The following FER1L6 variants were observed in gnomAD, a reference collection of about 807,000 sequenced individuals.
FER1L6 encodes fer-1 like family member 6.
Under a neutral mutation model 219.2 loss-of-function variants are expected in FER1L6, and 177 were observed. That is an observed-to-expected ratio of 0.81 (90% confidence interval 0.71 to 0.91). The LOEUF (loss-of-function observed/expected upper bound fraction) is 0.91. Among genes scored for constraint, FER1L6 ranks in the 40% least tolerant of loss-of-function variants. FER1L6 has a pLI of 0.00. For missense variants in FER1L6, 2,153 were observed against 2,259.9 expected (o/e 0.95, Z 0.96); for synonymous variants, 768 against 824.3 (o/e 0.93, Z 1.17).
In FER1L6 at chr8:123,944,176, C is replaced by G. The variant is rs10097899; in HGVS notation, c.-7-11816C>G. Among the ~76,000 whole-genome samples the G allele has an allele frequency of 2.6e-3, 399 of 152,050 alleles. 2 individuals carry two copies. The highest frequency in any genetic ancestry group is 8.9e-3 in the African/African-American group (368 of 41,478). ...TTAGCCCAATGCATGGCTCATTCTA[C>G]ATGCTCAATGAATGGTAGCTATGAT... is the stretch of plus-strand genomic sequence containing the variant. On this transcript the variant is annotated intron_variant, in intron 1 of 40. Coordinates refer to ENST00000522917, the MANE Select transcript of FER1L6 (RefSeq NM_001039112.2).
rs570060219 is a variant in FER1L6 at position 124,003,526 on chromosome 8, G to C, written c.1700+179G>C. 2.3e-5 allele frequency among the ~76,000 whole-genome samples: 3 copies of C among 129,328 alleles called. No individual in the cohort carries two copies. The East Asian group carries it at 7.4e-4, about 32-fold the overall frequency. 84.8% of individuals were successfully genotyped at this position (129,328 alleles called of 152,430 possible). ...TCACCAGACTGGAGTGCAGTGTGCA[G>C]TGGCACGATCTCAGCTCACTGCAAC... On this transcript the variant is annotated intron_variant, in intron 13 of 40. Coordinates refer to ENST00000522917, the MANE Select transcript of FER1L6 (RefSeq NM_001039112.2).
chr8:123,887,993 A>G (rs1168070974), intron 1 of FER1L6, among the ~76,000 whole-genome samples: 1 of 152,150 alleles, frequency 6.6e-6, no homozygotes, highest in African/African-American at 2.4e-5. Flanking sequence ...AAGTACCCTG[A>G]CTGTTTCAAG....
intron 9 of FER1L6, among the ~76,000 whole-genome samples, chr8:123,977,163 T>G (rs1816113483): frequency 6.6e-6 from 1 of 152,190 alleles, no homozygotes. Flanking sequence ...TGCACAGAAC[T>G]CCCATTCCCC....
intron 1 of FER1L6, among the ~76,000 whole-genome samples, chr8:123,857,348 A>C (rs1816666070): frequency 6.6e-6 from 1 of 152,086 alleles, no homozygotes; most frequent in South Asian, 2.1e-4. Context: ...TCTACAAAAA[A>C]ATTTTTTAAA....
chr8:123,896,067 C>T lies in FER1L6; in HGVS notation c.-8+43882C>T, dbSNP rs552607030. Reference sequence around the variant, plus strand: ...ATAGAGGGCTTGTTCTGGAGGCAGCCGCTCTAGGAAGAGCAAGTGCTGTCC... The same window carrying T: ...ATAGAGGGCTTGTTCTGGAGGCAGCTGCTCTAGGAAGAGCAAGTGCTGTCC... On this transcript the variant is annotated intron_variant, in intron 1 of 40. Transcript: ENST00000522917. Among the ~76,000 whole-genome samples the T allele has an allele frequency of 7.6e-4, 116 of 152,170 alleles. 2 individuals are homozygous for T. Among genetic ancestry groups the T allele is most frequent in the Admixed American group, 1.4e-3 (22 of 15,276 alleles).
At chr8:123,963,184 T>C (rs1238599386) in intron 2 of FER1L6, 94 bp from the exon 3 acceptor site, 2 of 1,538,154 alleles carry the variant, frequency 1.3e-6, no homozygotes, top group South Asian at 1.2e-5. Flanking sequence ...TTGTACCACT[T>C]ATGGTGCCTG....
intron 28 of FER1L6, among the ~76,000 whole-genome samples, chr8:124,068,507 C>T (rs114532450): frequency 4.0e-4 from 61 of 152,352 alleles, no homozygotes; most frequent in African/African-American, 1.4e-3. Flanking sequence ...TTCTCCCCTG[C>T]AGAGCCTACT....
At chr8:124,105,348 A>G (rs2130999324) in intron 39 of FER1L6, among the ~76,000 whole-genome samples, 1 of 152,280 alleles carries the variant, frequency 6.6e-6, no homozygotes, top group East Asian at 1.9e-4. Flanking sequence ...CCAGAGCCTG[A>G]TCACACAGGC....
intron 3 of FER1L6, among the ~76,000 whole-genome samples, chr8:123,965,568 T>C (rs1389165725): frequency 6.6e-6 from 1 of 152,254 alleles, no homozygotes; most frequent in African/African-American, 2.4e-5. Flanking sequence ...CAATTATGAT[T>C]ATATCTATTA....
chr8:123,865,905 G>A (rs1439176635), intron 1 of FER1L6, among the ~76,000 whole-genome samples: 4 of 151,276 alleles, frequency 2.6e-5, no homozygotes, highest in Admixed American at 6.6e-5. Context: ...AGATGAACCC[G>A]GTACCTCAGA....
chr8:123,957,371 A>G (rs556895184), intron 2 of FER1L6, among the ~76,000 whole-genome samples: 1 of 152,270 alleles, frequency 6.6e-6, no homozygotes, highest in Admixed American at 6.5e-5. Context: ...GTGGGTGGAA[A>G]GGCTTTGGGG....
chr8:123,999,855 T>C (rs1307256192), intron 12 of FER1L6, among the ~76,000 whole-genome samples: 1 of 152,006 alleles, frequency 6.6e-6, no homozygotes, highest in African/African-American at 2.4e-5. Context: ...TATGAAGTGT[T>C]GGGGGAAGAG....
intron 10 of FER1L6, among the ~76,000 whole-genome samples, chr8:123,978,703 A>T (rs2130320622): frequency 6.6e-6 from 1 of 152,300 alleles, no homozygotes; most frequent in South Asian, 2.1e-4. Flanking sequence ...TATCATCTGT[A>T]TATGGTTAAT....
intron 18 of FER1L6, among the ~76,000 whole-genome samples, 157 bp from the exon 19 acceptor site, chr8:124,035,120 G>C (rs958356782): frequency 1.3e-5 from 2 of 152,172 alleles, no homozygotes; most frequent in African/African-American, 4.8e-5. Context: ...AAGGCAATTG[G>C]GGCCATTGTC....
intron 1 of FER1L6, among the ~76,000 whole-genome samples, chr8:123,936,408 T>C (rs928097311): frequency 2.6e-5 from 4 of 151,514 alleles, no homozygotes; most frequent in Non-Finnish European, 5.9e-5. Flanking sequence ...AAGACATTGC[T>C]CTCACAGTTT....
chr8:124,089,711 A>G lies in FER1L6; in HGVS notation c.4392-1712A>G, dbSNP rs1821941272. Among the ~76,000 whole-genome samples the G allele has an allele frequency of 2.0e-5, 3 of 152,196 alleles. No homozygotes were observed. In the South Asian group the frequency reaches 6.2e-4, roughly 31 times the overall value. ...GAAATTAGAAAACACAAAGTACAAA[A>G]TAACTCTCAAATTATTCCACTCATG... On this transcript the variant is annotated intron_variant, in intron 33 of 40. Coordinates refer to ENST00000522917, the MANE Select transcript of FER1L6 (RefSeq NM_001039112.2).
At chr8:124,034,672 G>A (rs76901759) in intron 18 of FER1L6, among the ~76,000 whole-genome samples, 2,640 of 152,290 alleles carry the variant, frequency 0.017, 88 homozygotes, top group African/African-American at 0.059. Flanking sequence ...TTAGCCAGGA[G>A]GAAAGTGCAT....
chr8:123,967,401 A>G lies in FER1L6; in HGVS notation c.384+1111A>G, dbSNP rs117358697. Among the ~76,000 whole-genome samples, 18 of 152,304 alleles carry G rather than the reference A, an allele frequency of 1.2e-4. No homozygotes were observed. The East Asian group carries it at 3.1e-3, about 26-fold the overall frequency. ...TCCCATTTTGCCTTCCTGGCTGAAG[A>G]GTTTTTCATTGCCTTGATATGCCAT... On this transcript the variant is annotated intron_variant, in intron 5 of 40. Transcript: ENST00000522917.
chr8:123,997,555 G>A lies in FER1L6; in HGVS notation c.1520-5612G>A, dbSNP rs1053013670. 3.9e-4 allele frequency among the ~76,000 whole-genome samples: 59 copies of A among 152,000 alleles called. 1 individual carries two copies. Among genetic ancestry groups the A allele is most frequent in the Admixed American group, 3.7e-3 (56 of 15,250 alleles). On this transcript the variant is annotated intron_variant, in intron 12 of 40. Transcript: ENST00000522917. ...TTGAATATTGAAATCTTTCTCTAGGGTTGGGAAGCTCTCTGTTATTATTAT... is the reference window on the plus strand; with the variant it reads ...TTGAATATTGAAATCTTTCTCTAGGATTGGGAAGCTCTCTGTTATTATTAT...
Sources: allele counts gnomAD v4.1 joint callset (sites outside exome capture counted in the v4.1 genomes callset), GRCh38; gene constraint gnomAD v4.1.1; transcripts MANE v1.5; gene names NCBI Gene and HGNC (gene_info 2026-07-23, HGNC 2026-07-21).